EYS: variants seen among roughly 807,000 people sequenced by gnomAD.
The protein encoded by EYS is protein eyes shut homolog.
EYS carries 250 observed loss-of-function variants against 282.1 expected under a neutral mutation model. The observed-to-expected ratio is 0.89, with a 90% confidence interval of 0.80 to 0.98. EYS has a LOEUF of 0.98. Ranked by LOEUF, EYS falls within the 50% of genes least tolerant of loss-of-function variation. The pLI, the probability that EYS is intolerant of heterozygous loss-of-function variation, is 0.00. For missense variants in EYS, 4,016 were observed against 3,709.0 expected, an observed-to-expected ratio of 1.08 and a Z score of -2.15; for synonymous variants, 1,355 against 1,282.9, an observed-to-expected ratio of 1.06 and a Z score of -1.20.
At chr6:64,664,761 T>C (rs1159800656) in intron 22 of EYS, among the ~76,000 whole-genome samples, 1 of 152,200 alleles carries the variant, frequency 6.6e-6, no homozygotes, top group Admixed American at 6.5e-5. Context: ...GCTGACTATC[T>C]ATGAACTAGA....
chr6:64,036,178 C>G (rs1770110654), intron 33 of EYS, among the ~76,000 whole-genome samples: 1 of 151,840 alleles, frequency 6.6e-6, no homozygotes, highest in African/African-American at 2.4e-5. Flanking sequence ...CCATTCCAGA[C>G]TAGGAAACAG....
chr6:63,981,618 G>A (rs1230719796), intron 35 of EYS, among the ~76,000 whole-genome samples: 1 of 151,860 alleles, frequency 6.6e-6, no homozygotes, highest in African/African-American at 2.4e-5. Context: ...GTGGCTAGCA[G>A]TATAAAGGGA....
At chr6:64,428,775 G>GT (rs978153625) in intron 28 of EYS, among the ~76,000 whole-genome samples, 1 of 152,080 alleles carries the variant, frequency 6.6e-6, no homozygotes, top group African/African-American at 2.4e-5. Flanking sequence ...GTTTTAAAAA[G>GT]TGCTTTCAAA....
intron 29 of EYS, among the ~76,000 whole-genome samples, chr6:64,310,078 A>AAAAAAAAAAAC (rs1554142131): frequency 4.1e-5 from 6 of 145,226 alleles, no homozygotes; most frequent in African/African-American, 1.0e-4. Context: ...ATAAAAAAAA[A>AAAAAAAAAAAC]AATAACAGAT....
intron 31 of EYS, among the ~76,000 whole-genome samples, chr6:64,168,919 T>C (rs1290043218): frequency 6.6e-6 from 1 of 152,222 alleles, no homozygotes; most frequent in Non-Finnish European, 1.5e-5. Context: ...CAAATTATAC[T>C]CTTAGACACT....
intron 2 of EYS, among the ~76,000 whole-genome samples, chr6:65,639,326 T>C (rs760142354): frequency 3.9e-5 from 6 of 152,024 alleles, no homozygotes; most frequent in Non-Finnish European, 8.8e-5. Flanking sequence ...ATAAATAAGA[T>C]AAGTTATTAG....
chr6:65,109,225 T>C (rs575705596), intron 12 of EYS, among the ~76,000 whole-genome samples: 1 of 152,138 alleles, frequency 6.6e-6, no homozygotes, highest in Non-Finnish European at 1.5e-5. Context: ...AAACACATGG[T>C]TATTTTAGGG....
At chr6:65,182,223 A>C (rs1459906120) in intron 12 of EYS, among the ~76,000 whole-genome samples, 1 of 151,084 alleles carries the variant, frequency 6.6e-6, no homozygotes, top group African/African-American at 2.4e-5. Context: ...ATATATAATA[A>C]TAAAATAAAA....
intron 26 of EYS, among the ~76,000 whole-genome samples, chr6:64,462,955 T>TG (rs1775798160): frequency 1.4e-5 from 2 of 147,468 alleles, no homozygotes; most frequent in Non-Finnish European, 3.0e-5. Flanking sequence ...TTTTTTTTTT[T>TG]TTTTTTTTGA....
intron 22 of EYS, among the ~76,000 whole-genome samples, chr6:64,656,827 A>G (rs1020794390): frequency 6.6e-6 from 1 of 152,196 alleles, no homozygotes; most frequent in Non-Finnish European, 1.5e-5. Flanking sequence ...AAGCTCATAA[A>G]TAAATACACA....
chr6:64,736,071 A>G (rs550303237), intron 22 of EYS, among the ~76,000 whole-genome samples: 93 of 152,164 alleles, frequency 6.1e-4, no homozygotes, highest in African/African-American at 2.0e-3. Flanking sequence ...AGCCCTTTCT[A>G]TATTATTACA....
intron 1 of EYS, among the ~76,000 whole-genome samples, chr6:65,683,219 T>C (rs1219373375): frequency 6.6e-6 from 1 of 152,056 alleles, no homozygotes; most frequent in Non-Finnish European, 1.5e-5. Context: ...AGCAGTATTA[T>C]ATCTTCATTA....
At chr6:64,740,183 A>G (rs915312851) in intron 22 of EYS, among the ~76,000 whole-genome samples, 2 of 152,192 alleles carry the variant, frequency 1.3e-5, no homozygotes, top group African/African-American at 4.8e-5. Context: ...CACAATCTAC[A>G]TAATCACAAT....
chr6:64,828,696 G>C (rs79579179), intron 19 of EYS, among the ~76,000 whole-genome samples: 2,600 of 152,088 alleles, frequency 0.017, 75 homozygotes, highest in African/African-American at 0.059. Flanking sequence ...GCAATCTACA[G>C]TAGGTAGTAT....
At chr6:63,850,605 C>A (rs2149702707) in intron 36 of EYS, among the ~76,000 whole-genome samples, 1 of 152,270 alleles carries the variant, frequency 6.6e-6, no homozygotes, top group South Asian at 2.1e-4. Context: ...AAATAAATTC[C>A]TTTACAGACA....
intron 13 of EYS, among the ~76,000 whole-genome samples, chr6:65,017,856 C>T (rs1271284245): frequency 6.6e-6 from 1 of 152,012 alleles, no homozygotes; most frequent in African/African-American, 2.4e-5. Context: ...CGTAATACTC[C>T]CCTTTGTAAC....
chr6:65,620,492 TC>T (rs1463241576), intron 2 of EYS, among the ~76,000 whole-genome samples: 1 of 151,728 alleles, frequency 6.6e-6, no homozygotes, highest in African/African-American at 2.4e-5. Flanking sequence ...GTTGATCGTT[TC>T]AAAAAACCAG....
chr6:65,099,655 C>T (rs540287779), intron 12 of EYS, among the ~76,000 whole-genome samples: 1 of 150,674 alleles, frequency 6.6e-6, no homozygotes, highest in East Asian at 1.9e-4. Context: ...ATGGGAAATA[C>T]TCATATTAAA....
At chr6:65,067,828 A>T (rs1419787019) in intron 12 of EYS, among the ~76,000 whole-genome samples, 1 of 152,082 alleles carries the variant, frequency 6.6e-6, no homozygotes, top group Admixed American at 6.6e-5. Context: ...AATAATTTTA[A>T]TATCTTCTGT....
Sources: allele counts gnomAD v4.1 joint callset (sites outside exome capture counted in the v4.1 genomes callset), GRCh38; gene constraint gnomAD v4.1.1; transcripts MANE v1.5; gene names NCBI Gene and HGNC (gene_info 2026-07-23, HGNC 2026-07-21).